Variants in DIDO1 observed in about 807,000 individuals in gnomAD.
The protein encoded by DIDO1 is death-inducer obliterator 1.
In DIDO1, 16 loss-of-function variants were observed where a neutral mutation model predicts 99.4. That is an observed-to-expected ratio of 0.16 (90% CI 0.11 to 0.24). DIDO1 has a LOEUF of 0.24. Among genes scored for constraint, DIDO1 ranks in the 10% least tolerant of loss-of-function variants. DIDO1 has a pLI of 1.00. For missense variants in DIDO1, 2,996 were observed against 3,014.0 expected (o/e 0.99, Z 0.14); for synonymous variants, 1,366 against 1,239.1 (o/e 1.10, Z -2.15).
At chr20:62,889,379 A>G in intron 15 of DIDO1, 1 of 985,344 alleles carries the variant, frequency 1.0e-6, no homozygotes, top group Non-Finnish European at 1.2e-6. Flanking sequence ...AACCGTGCTC[A>G]CCTGACAGCT....
At position 62,893,989 on chromosome 20, in the gene DIDO1, T is replaced by C; in HGVS notation, c.2778A>G (p.Arg926=). The change falls in exon 12 of 16, where the codon AGA becomes AGG. Residue 926 remains arginine (R), a synonymous_variant. Transcript: ENST00000395343. ...LESASHPNVD[R]TYFPGPPGDG... is the part of the protein sequence containing the mutation. ...CTCCTGGAGGCCCAGGGAAATACGT[T>C]CTGTCCACATTTGGATGAGAAGCAC... The C allele has an allele frequency of 6.2e-7, 1 of 1,614,100 alleles. No individual in the cohort carries two copies. The highest frequency in any genetic ancestry group is 1.3e-5 in the African/African-American group (1 of 75,050).
At chr20:62,905,222 G>A (rs918307912) in intron 6 of DIDO1, 33 of 1,228,312 alleles carry the variant, frequency 2.7e-5, no homozygotes, top group Middle Eastern at 3.2e-4. Context: ...CGCGTCCTGC[G>A]GTCAGGACAG....
chr20:62,893,940 G>A lies in DIDO1; in HGVS notation c.2827C>T (p.Leu943=), dbSNP rs144215924. 1.6e-3 allele frequency: 2,614 copies of A among 1,612,282 alleles called. 4 individuals are homozygous for A. Among genetic ancestry groups the A allele is most frequent in the Non-Finnish European group, 2.1e-3 (2,450 of 1,178,546 alleles). Reference sequence around the variant, plus strand: ...GCTGGGCAGGGGGACAGGTCTTCCAGCGGGGAGGGCTCGGGATGGCCATCT... The same window carrying A: ...GCTGGGCAGGGGGACAGGTCTTCCAACGGGGAGGGCTCGGGATGGCCATCT... ...PGDGHPEPSP[L]EDLSPCPASC... is the part of the protein sequence containing the mutation. The change falls in exon 12 of 16, where the codon CTG becomes TTG. Residue 943 remains leucine (L), a synonymous_variant. Transcript: ENST00000395343.
At position 62,891,979 on chromosome 20, in the gene DIDO1, G is replaced by A. The variant is rs1433306698; in HGVS notation, c.3345+8C>T. The A allele has an allele frequency of 1.1e-5, 17 of 1,603,502 alleles. No individual in the cohort carries two copies. The highest frequency in any genetic ancestry group is 1.4e-5 in the Non-Finnish European group (17 of 1,176,572). ...CATGGTTGCAGAATTTATACTATAA[G>A]CAGGTACCTTAGACACAGAAGACTT... On this transcript the variant is annotated splice_region_variant and intron_variant, in intron 14 of 15. Coordinates refer to ENST00000395343, the MANE Select transcript of DIDO1 (RefSeq NM_001193369.2).
chr20:62,887,585 T>G, intron 15 of DIDO1: 1 of 985,480 alleles, frequency 1.0e-6, no homozygotes, highest in Non-Finnish European at 1.2e-6. Context: ...TCCACAGGCA[T>G]TTCAGACCAA....
chr20:62,904,978 T>A (rs2064769272), intron 6 of DIDO1: 1 of 985,532 alleles, frequency 1.0e-6, no homozygotes, highest in Non-Finnish European at 1.2e-6. Flanking sequence ...AAGCACAAAA[T>A]GCACTATAGA....
intron 1 of DIDO1, among the ~76,000 whole-genome samples, chr20:62,934,672 C>A (rs769276214): frequency 2.0e-5 from 3 of 151,978 alleles, no homozygotes; most frequent in Non-Finnish European, 2.9e-5. Context: ...CACCTCACCC[C>A]TGCTCACCAC....
chr20:62,897,499 A>T (rs1376611889), intron 6 of DIDO1, among the ~76,000 whole-genome samples: 4 of 152,182 alleles, frequency 2.6e-5, no homozygotes, highest in Non-Finnish European at 4.4e-5. Flanking sequence ...AGTCCATTGG[A>T]GGCGATGCCA....
rs2064483213 is a variant in DIDO1, at chr20:62,894,860, G to C, written c.2386C>G (p.Gln796Glu). Residue 796 changes from glutamine to glutamate, a missense_variant, in exon 10 of 16, where the codon CAG (glutamine) becomes GAG (glutamate). Gln to Glu is a conservative substitution (Grantham distance 29, BLOSUM62 2). Around this residue, in one of 5 missense-constraint regions of DIDO1, gnomAD observed 898 missense variants for 972.7 expected, o/e 0.92. Transcript: ENST00000395343. This position sits in a 1 kb window ranked among gnomAD's most constrained non-coding sequence, Gnocchi z 4.4. ...TCCTCCAGATCGGGGATGGCCTCCT[G>C]CCTGGGGGCCGTCTTCTTGCTTTCA... ...HNESKKTAPR[Q>E]EAIPDLEDSP... The C allele has an allele frequency of 6.2e-7, 1 of 1,614,046 alleles. No homozygotes were observed. The highest frequency in any genetic ancestry group is 8.5e-7 in the Non-Finnish European group (1 of 1,180,038).
intron 1 of DIDO1, among the ~76,000 whole-genome samples, chr20:62,916,913 C>T (rs1252305008): frequency 6.6e-6 from 1 of 152,240 alleles, no homozygotes; most frequent in Non-Finnish European, 1.5e-5. Flanking sequence ...GCTGTGTTCA[C>T]TCTGAACACG....
rs73918870 is a variant in DIDO1, at chr20:62,933,925, C to T, written c.-200+3871G>A. 2.8e-3 allele frequency among the ~76,000 whole-genome samples: 421 copies of T among 152,316 alleles called. 1 individual carries two copies. Among genetic ancestry groups the T allele is most frequent in the African/African-American group, 9.7e-3 (402 of 41,556 alleles). ...TTAGCACTCCTCTTTCTGTTCATCT[C>T]TTTCAATATGAAACAACTCAAGTTC... On this transcript the variant is annotated intron_variant, in intron 1 of 15. Coordinates refer to the DIDO1 transcript ENST00000266070.
In DIDO1 at chr20:62,878,205, T is replaced by G. The variant is rs1249468120; in HGVS notation, c.*1028A>C. ...ATCAAAGTGTATTTGTACAAATAAA[T>G]TAGCCAGATTTTTTTACTTCACACT... is the stretch of plus-strand genomic sequence containing the variant. On this transcript the variant is annotated 3_prime_UTR_variant, in exon 16 of 16. Coordinates refer to ENST00000395343, the MANE Select transcript of DIDO1 (RefSeq NM_001193369.2). 6.6e-6 allele frequency: 1 copy of G among 152,220 alleles called. No homozygotes were observed. The highest frequency in any genetic ancestry group is 1.5e-5 in the Non-Finnish European group (1 of 68,030). 9.4% of individuals were successfully genotyped at this position (152,220 alleles called of 1,614,324 possible). A position where few individuals can be genotyped will look rare whatever the true frequency, so the allele number is the denominator to read the frequency against.
chr20:62,903,534 G>A (rs2064731574), intron 6 of DIDO1, among the ~76,000 whole-genome samples: 1 of 152,206 alleles, frequency 6.6e-6, no homozygotes, highest in Admixed American at 6.5e-5. Context: ...GCATACAGTG[G>A]TGGCAGGCTC....
chr20:62,881,789 C>T lies in DIDO1; in HGVS notation c.4167G>A (p.Glu1389=). Residue 1389 remains glutamate (E), a synonymous_variant, in exon 16 of 16, where the codon GAG becomes GAA. Coordinates refer to ENST00000395343, the MANE Select transcript of DIDO1 (RefSeq NM_001193369.2). The surrounding 1 kb of genome is among the most constrained non-coding windows in gnomAD (Gnocchi z 8.3). The part of the protein sequence containing the change: ...EEDDRPYDPE[E]EYDPERAFDT... Reference sequence around the variant, plus strand: ...CGAAGGCCCTCTCCGGGTCGTACTCCTCCTCAGGGTCGTATGGCCTGTCGT... The same window carrying T: ...CGAAGGCCCTCTCCGGGTCGTACTCTTCCTCAGGGTCGTATGGCCTGTCGT... 1 of 1,613,470 alleles carries T rather than the reference C, an allele frequency of 6.2e-7. No individual in the cohort carries two copies. Among genetic ancestry groups the T allele is most frequent in the Non-Finnish European group, 8.5e-7 (1 of 1,180,014 alleles).
intron 1 of DIDO1, among the ~76,000 whole-genome samples, chr20:62,932,914 T>C (rs1440658197): frequency 6.6e-6 from 1 of 152,142 alleles, no homozygotes; most frequent in Non-Finnish European, 1.5e-5. Context: ...ACACATGGTG[T>C]CAGAATATGT....
chr20:62,905,339 G>GA lies in DIDO1; in HGVS notation c.1588+547dup, dbSNP rs111549722. ...GTGTGTAGCGTGTGAATCGGACATG[G>GA]AAAAAAAAAAATCCCCTATCTGCCC... On this transcript the variant is annotated intron_variant, in intron 6 of 15. Coordinates refer to ENST00000395343, the MANE Select transcript of DIDO1 (RefSeq NM_001193369.2). The GA allele has an allele frequency of 4.6e-3, 5,179 of 1,136,220 alleles. 2 individuals carry two copies. Among genetic ancestry groups the GA allele is most frequent in the East Asian group, 0.014 (402 of 29,284 alleles). 70.4% of individuals were successfully genotyped at this position (1,136,220 alleles called of 1,614,324 possible).
intron 2 of DIDO1, among the ~76,000 whole-genome samples, chr20:62,912,907 C>T (rs894191307): frequency 5.9e-5 from 9 of 152,164 alleles, no homozygotes; most frequent in Admixed American, 3.9e-4. Context: ...TGGCAGGCGC[C>T]TGTAATCCCA....
intron 6 of DIDO1, among the ~76,000 whole-genome samples, chr20:62,902,856 A>C (rs1232249103): frequency 6.6e-6 from 1 of 152,242 alleles, no homozygotes; most frequent in Non-Finnish European, 1.5e-5. Context: ...AAATCTGTTC[A>C]GATCCTCAGT....
chr20:62,922,153 C>T lies in DIDO1; in HGVS notation c.-200+4286G>A, dbSNP rs2065161657. ...ATATACATATATACACACACACACA[C>T]ACAAACAATGCCCGGCTCTTTTATA... is the stretch of plus-strand genomic sequence containing the variant. On this transcript the variant is annotated intron_variant, in intron 1 of 15. Coordinates refer to ENST00000395343, the MANE Select transcript of DIDO1 (RefSeq NM_001193369.2). Among the ~76,000 whole-genome samples the T allele has an allele frequency of 2.0e-5, 3 of 150,218 alleles. No individual in the cohort carries two copies. In the South Asian group the frequency reaches 6.3e-4, roughly 31 times the overall value.
Sources: allele counts gnomAD v4.1 joint callset (sites outside exome capture counted in the v4.1 genomes callset), GRCh38; gene constraint gnomAD v4.1.1; regional missense constraint gnomAD v4.1.1; non-coding constraint Gnocchi (gnomAD v3.1); transcripts MANE v1.5; gene names NCBI Gene and HGNC (gene_info 2026-07-23, HGNC 2026-07-21).